Variants in RIMBP2 observed in about 807,000 individuals in gnomAD.
RIMBP2 encodes the protein RIMS binding protein 2.
In RIMBP2, 48 loss-of-function variants were observed where a neutral mutation model predicts 118.6. The ratio of observed to expected loss-of-function variants is 0.40; its 90% CI spans 0.32 to 0.51. The LOEUF (loss-of-function observed/expected upper bound fraction) is 0.51. Among genes scored for constraint, RIMBP2 ranks in the 20% least tolerant of loss-of-function variants. The pLI, the probability that RIMBP2 is intolerant of heterozygous loss-of-function variation, is 0.41. For synonymous variants in RIMBP2, 762 were observed against 742.9 expected (o/e 1.03, Z -0.42); for missense variants, 1,551 against 1,768.3 (o/e 0.88, Z 2.20).
At chr12:130,413,422 G>C (rs982635194) in intron 18 of RIMBP2, among the ~76,000 whole-genome samples, 9 of 152,064 alleles carry the variant, frequency 5.9e-5, no homozygotes, top group Non-Finnish European at 1.3e-4. Context: ...TTAAGATCAG[G>C]AGTTTGGGAC....
At chr12:130,611,517 C>T (rs116321046) in intron 2 of RIMBP2, among the ~76,000 whole-genome samples, 2,027 of 152,336 alleles carry the variant, frequency 0.013, 27 homozygotes, top group African/African-American at 0.046. Flanking sequence ...TACCGGGCTT[C>T]GCTGCAGGTG....
intron 6 of RIMBP2, among the ~76,000 whole-genome samples, chr12:130,463,746 G>A (rs2080212398): frequency 6.6e-6 from 1 of 152,034 alleles, no homozygotes; most frequent in Non-Finnish European, 1.5e-5. Flanking sequence ...TGGGAAAGAT[G>A]AGGCTGAGAC....
In RIMBP2 at chr12:130,523,319, G is replaced by A. The variant is rs968452013; in HGVS notation, c.-216-5402C>T. On this transcript the variant is annotated intron_variant, in intron 2 of 22. Coordinates refer to ENST00000690449, the MANE Select transcript of RIMBP2 (RefSeq NM_001393629.1). The surrounding 1 kb of genome is among the most constrained non-coding windows in gnomAD (Gnocchi z 4.4). ...CAAGAAGCGGCTCGCACCAGGAACC[G>A]AATCAGCCAGCACCTTGGTCTTAGA... Among the ~76,000 whole-genome samples, 4 of 152,306 alleles carry A rather than the reference G, an allele frequency of 2.6e-5. No individual in the cohort carries two copies. Among genetic ancestry groups the A allele is most frequent in the Middle Eastern group, 3.4e-3 (1 of 294 alleles).
chr12:130,421,954 T>C (rs547092262), intron 17 of RIMBP2, among the ~76,000 whole-genome samples: 4 of 151,912 alleles, frequency 2.6e-5, no homozygotes, highest in Non-Finnish European at 4.4e-5. Flanking sequence ...GCAAGGGAGG[T>C]GCCCAGATGG....
intron 14 of RIMBP2, chr12:130,430,063 G>A (rs2077058882): frequency 6.6e-6 from 1 of 152,262 alleles, no homozygotes; most frequent in South Asian, 2.1e-4. Flanking sequence ...CTTGAGGTCA[G>A]CCCTCTCTCC....
chr12:130,626,892 C>A (rs529788154), intron 2 of RIMBP2, among the ~76,000 whole-genome samples: 12 of 149,304 alleles, frequency 8.0e-5, no homozygotes, highest in Non-Finnish European at 1.5e-4. Context: ...CGACTACTGC[C>A]GGCATCACCA....
At chr12:130,480,444 C>A (rs1008268797) in intron 4 of RIMBP2, among the ~76,000 whole-genome samples, 1 of 152,250 alleles carries the variant, frequency 6.6e-6, no homozygotes, top group South Asian at 2.1e-4. Flanking sequence ...GAGGGCCACA[C>A]AGATGACCCA....
chr12:130,611,407 C>G (rs528568825), intron 2 of RIMBP2, among the ~76,000 whole-genome samples: 51 of 152,348 alleles, frequency 3.3e-4, no homozygotes, highest in African/African-American at 1.1e-3. Context: ...ATTGGGGGCC[C>G]TTTTGTCTTC....
At chr12:130,399,610 C>CAAAG (rs1158354644) in intron 22 of RIMBP2, 69 bp downstream of exon 22, 5 of 1,547,594 alleles carry the variant, frequency 3.2e-6, no homozygotes, top group African/African-American at 2.7e-5. Context: ...AATATCAGTG[C>CAAAG]AAAGATTGTA....
intron 1 of RIMBP2, among the ~76,000 whole-genome samples, chr12:130,690,815 C>T (rs536426694): frequency 2.6e-5 from 4 of 152,276 alleles, no homozygotes; most frequent in African/African-American, 9.6e-5. Context: ...TCAAATATCA[C>T]TTCTGAGGTG....
intron 1 of RIMBP2, among the ~76,000 whole-genome samples, chr12:130,652,861 A>G (rs1465542583): frequency 6.6e-6 from 1 of 152,112 alleles, no homozygotes; most frequent in African/African-American, 2.4e-5. Context: ...CAAGGGGAGA[A>G]GTGCCACCCT....
intron 2 of RIMBP2, among the ~76,000 whole-genome samples, chr12:130,548,634 C>G (rs906453436): frequency 5.3e-5 from 8 of 152,032 alleles, no homozygotes; most frequent in Non-Finnish European, 1.2e-4. Flanking sequence ...AGTGCAGTGG[C>G]ATAATCTGGG....
intron 6 of RIMBP2, among the ~76,000 whole-genome samples, chr12:130,470,026 G>A (rs1384840785): frequency 3.9e-5 from 6 of 152,338 alleles, no homozygotes; most frequent in African/African-American, 1.2e-4. Context: ...CATTGGACCA[G>A]GAGCCAGGGA....
chr12:130,546,117 T>TTG (rs1555287425), intron 2 of RIMBP2, among the ~76,000 whole-genome samples: 127 of 147,988 alleles, frequency 8.6e-4, no homozygotes, highest in South Asian at 8.7e-4. Flanking sequence ...TTTTTTTTTT[T>TTG]GGGATGGAGT....
intron 21 of RIMBP2, among the ~76,000 whole-genome samples, chr12:130,401,533 C>T (rs771865851): frequency 1.3e-5 from 2 of 151,812 alleles, no homozygotes; most frequent in Non-Finnish European, 2.9e-5. Flanking sequence ...ACTGCCCTGC[C>T]CCGCCCCACT....
Position 130,511,867 on chromosome 12 carries a change from G to T in RIMBP2, c.-126-5097C>A, listed in dbSNP as rs2050946448. Among the ~76,000 whole-genome samples the T allele has an allele frequency of 6.6e-6, 1 of 152,066 alleles. No individual in the cohort carries two copies. The highest frequency in any genetic ancestry group is 2.4e-5 in the African/African-American group (1 of 41,446). Reference sequence around the variant, plus strand: ...CCACACACGTCTCTGCTGGACAGGAGCCCCTGGGCCCTGGCTCCTTCTCCA... The same window carrying T: ...CCACACACGTCTCTGCTGGACAGGATCCCCTGGGCCCTGGCTCCTTCTCCA... On this transcript the variant is annotated intron_variant, in intron 3 of 22. Coordinates refer to ENST00000690449, the MANE Select transcript of RIMBP2 (RefSeq NM_001393629.1). This position sits in a 1 kb window ranked among gnomAD's most constrained non-coding sequence, Gnocchi z 4.3.
rs567423006 is a variant in RIMBP2 at position 130,424,535 on chromosome 12, C to A, written c.2736G>T (p.Ser912=). Reference sequence around the variant, plus strand: ...GGCCGCTGTCCGGGCTCCGGGTGGCCGAGCGGCTGAACCGACAGCCCCTGT... The same window carrying A: ...GGCCGCTGTCCGGGCTCCGGGTGGCAGAGCGGCTGAACCGACAGCCCCTGT... ...LEDRGCRFSR[S]ATRSPDSGLD... The change falls in exon 16 of 23, where the codon TCG becomes TCT. Residue 912 remains serine, a synonymous_variant. Transcript: ENST00000690449. This position sits in a 1 kb window ranked among gnomAD's most constrained non-coding sequence, Gnocchi z 9.8. 2.4e-6 allele frequency: 3 copies of A among 1,231,846 alleles called. No homozygotes were observed. Among genetic ancestry groups the A allele is most frequent in the Non-Finnish European group, 3.0e-6 (3 of 987,844 alleles). The allele number at this position is 1,231,846 out of a possible 1,614,324, so 76.3% of individuals were successfully genotyped here.
chr12:130,453,240 A>T (rs2079145275), intron 7 of RIMBP2, among the ~76,000 whole-genome samples: 1 of 152,116 alleles, frequency 6.6e-6, no homozygotes, highest in African/African-American at 2.4e-5. Context: ...TCACATACTG[A>T]CTGCAGCGCC....
At chr12:130,591,904 CA>C (rs1309288309) in intron 2 of RIMBP2, among the ~76,000 whole-genome samples, 1 of 152,200 alleles carries the variant, frequency 6.6e-6, no homozygotes, top group African/African-American at 2.4e-5. Flanking sequence ...TGTGCATTTG[CA>C]TCTTATCTGA....
Sources: gnomAD v4.1 joint callset for allele counts (sites outside exome capture counted in the v4.1 genomes callset) on GRCh38, gnomAD v4.1.1 for gene constraint, Gnocchi (gnomAD v3.1) non-coding constraint, MANE v1.5 for transcripts, NCBI Gene and HGNC (gene_info 2026-07-23, HGNC 2026-07-21) for gene names.